CHD9: variants seen among roughly 807,000 people sequenced by gnomAD.
CHD9 encodes chromodomain helicase DNA binding protein 9, also known as ATP-dependent chromatin remodeler CHD9.
A neutral mutation model predicts 316.1 loss-of-function variants in CHD9; 77 were observed. That is an observed-to-expected ratio of 0.24 (90% CI 0.20 to 0.29). The LOEUF (loss-of-function observed/expected upper bound fraction) is 0.29, where lower values mean the gene tolerates loss of function less well. CHD9 is among the 10% of genes least tolerant of loss of function. The pLI, the probability that CHD9 is intolerant of heterozygous loss-of-function variation, is 1.00. For missense variants in CHD9, 2,763 were observed against 3,438.1 expected, an observed-to-expected ratio of 0.80 and a Z score of 4.91; for synonymous variants, 1,129 against 1,158.3, an observed-to-expected ratio of 0.97 and a Z score of 0.51.
chr16:53,307,090 C>T (rs1167980054), intron 32 of CHD9, among the ~76,000 whole-genome samples: 1 of 151,728 alleles, frequency 6.6e-6, no homozygotes, highest in African/African-American at 2.4e-5. Context: ...AATTTTTCTT[C>T]CATTATGTGA....
chr16:53,122,347 G>A (rs549222688), intron 1 of CHD9, among the ~76,000 whole-genome samples: 1 of 152,134 alleles, frequency 6.6e-6, no homozygotes, highest in South Asian at 2.1e-4. Context: ...TCACAAAACT[G>A]GTGAGCCCAA....
intron 1 of CHD9, among the ~76,000 whole-genome samples, chr16:53,153,584 A>G (rs1393390947): frequency 1.3e-5 from 2 of 152,168 alleles, no homozygotes; most frequent in Non-Finnish European, 2.9e-5. Flanking sequence ...GCTAGAGTGT[A>G]GTGGCTTAAT....
chr16:53,170,973 A>G (rs1218805453), intron 2 of CHD9, among the ~76,000 whole-genome samples: 1 of 152,166 alleles, frequency 6.6e-6, no homozygotes, highest in African/African-American at 2.4e-5. Flanking sequence ...GGTAGTCCCA[A>G]TGCATGAACC....
intron 1 of CHD9, among the ~76,000 whole-genome samples, chr16:53,106,617 T>G (rs1489102923): frequency 1.3e-5 from 2 of 151,732 alleles, no homozygotes; most frequent in African/African-American, 4.9e-5. Flanking sequence ...AAAAGGTTCA[T>G]AATCTAGTTA....
chr16:53,060,917 TCTC>T (rs2152496317), intron 1 of CHD9, among the ~76,000 whole-genome samples: 1 of 145,670 alleles, frequency 6.9e-6, no homozygotes, highest in Admixed American at 6.8e-5. Context: ...CAAGATGTTG[TCTC>T]TTTTTTTTTT....
chr16:53,197,576 T>C (rs1169925475), intron 2 of CHD9, among the ~76,000 whole-genome samples: 1 of 152,162 alleles, frequency 6.6e-6, no homozygotes, highest in African/African-American at 2.4e-5. Context: ...ATTAACACTT[T>C]TTTGTAGTAT....
At chr16:53,157,723 G>A (rs2041620096) in intron 2 of CHD9, among the ~76,000 whole-genome samples, 182 bp downstream of exon 2, 1 of 152,192 alleles carries the variant, frequency 6.6e-6, no homozygotes, top group East Asian at 1.9e-4. Flanking sequence ...GTGATTCACT[G>A]ATATGCTCAA....
intron 2 of CHD9, among the ~76,000 whole-genome samples, chr16:53,175,276 TG>T (rs2043025826): frequency 6.6e-6 from 1 of 152,142 alleles, no homozygotes; most frequent in Admixed American, 6.5e-5. Context: ...CCAGTTACCT[TG>T]GGTTCTTGGC....
intron 16 of CHD9, chr16:53,248,194 G>A (rs1175409744): frequency 6.6e-6 from 1 of 151,828 alleles, no homozygotes; most frequent in African/African-American, 2.4e-5. Flanking sequence ...AAATCAGCCG[G>A]GCATGATGGC....
intron 10 of CHD9, 103 bp from the exon 11 acceptor site, chr16:53,235,082 A>G (rs1323028495): frequency 2.4e-6 from 2 of 830,710 alleles, no homozygotes; most frequent in Non-Finnish European, 3.7e-6. Flanking sequence ...ATAACACTGT[A>G]CACTGTTATG....
intron 27 of CHD9, among the ~76,000 whole-genome samples, chr16:53,288,631 T>C (rs1244468266): frequency 6.6e-6 from 1 of 152,162 alleles, no homozygotes; most frequent in Admixed American, 6.5e-5. Flanking sequence ...GATGCCTTGA[T>C]GAGGGCATGA....
At chr16:53,285,918 A>G (rs1165250968) in intron 25 of CHD9, among the ~76,000 whole-genome samples, 1 of 152,184 alleles carries the variant, frequency 6.6e-6, no homozygotes, top group African/African-American at 2.4e-5. Context: ...TAAATCTAAG[A>G]CAACTTCCTC....
rs559548430 is a variant in CHD9 at position 53,284,221 on chromosome 16, A to G, written c.4968-1375A>G. On this transcript the variant is annotated intron_variant, in intron 24 of 38. Transcript: ENST00000447540. Reference sequence around the variant, plus strand: ...CTTTGTATAATTTATATTGTTTTATATCTCTGGTTATTTGAAAGTTGATAA... The same window carrying G: ...CTTTGTATAATTTATATTGTTTTATGTCTCTGGTTATTTGAAAGTTGATAA... 1.3e-4 allele frequency among the ~76,000 whole-genome samples: 20 copies of G among 152,208 alleles called. 1 individual carries two copies. Among genetic ancestry groups the G allele is most frequent in the African/African-American group, 4.8e-4 (20 of 41,552 alleles).
intron 29 of CHD9, among the ~76,000 whole-genome samples, chr16:53,295,264 C>T (rs1597869055): frequency 6.6e-6 from 1 of 152,146 alleles, no homozygotes; most frequent in East Asian, 1.9e-4. Context: ...GTGGCTGGCA[C>T]TACAGGTGTG....
chr16:53,130,188 G>C (rs1339659779), intron 1 of CHD9, among the ~76,000 whole-genome samples: 1 of 151,426 alleles, frequency 6.6e-6, no homozygotes, highest in Admixed American at 6.6e-5. Flanking sequence ...GGCGGGCGCC[G>C]GCTACTGCAG....
intron 4 of CHD9, among the ~76,000 whole-genome samples, chr16:53,225,123 A>G (rs1213011519): frequency 6.6e-6 from 1 of 152,098 alleles, no homozygotes; most frequent in Non-Finnish European, 1.5e-5. Flanking sequence ...CTGCATGCAT[A>G]TAGTTTGTCA....
At chr16:53,291,657 CTCTTT>C (rs2054349595) in intron 27 of CHD9, 63 bp from the exon 28 acceptor site, 2 of 1,066,820 alleles carry the variant, frequency 1.9e-6, no homozygotes, top group Non-Finnish European at 1.4e-6. Flanking sequence ...AAGTTTGATT[CTCTTT>C]TCTTTTTTTA....
rs1328088656 is a variant in CHD9, at chr16:53,303,179, TGA to T, written c.5714-539_5714-538del. On this transcript the variant is annotated intron_variant, in intron 30 of 38. Coordinates refer to ENST00000447540, the MANE Select transcript of CHD9 (RefSeq NM_001308319.2). ...ATTCGTAAACTTTCTTAAAATATTATGAGTTTTTTTTTTTTTTTTGCAATTTT... is the reference window on the plus strand; with the variant it reads ...ATTCGTAAACTTTCTTAAAATATTATGTTTTTTTTTTTTTTTTGCAATTTT... Among the ~76,000 whole-genome samples the T allele has an allele frequency of 4.9e-5, 7 of 143,494 alleles. No individual in the cohort carries two copies. In the East Asian group the frequency reaches 1.2e-3, roughly 25 times the overall value. The allele number at this position is 143,494 out of a possible 152,430, so 94.1% of individuals were successfully genotyped here.
Position 53,311,380 on chromosome 16 carries a change from C to T in CHD9, c.7222+2526C>T, listed in dbSNP as rs1202618600. On this transcript the variant is annotated intron_variant, in intron 34 of 38. Coordinates refer to ENST00000447540, the MANE Select transcript of CHD9 (RefSeq NM_001308319.2). Reference sequence around the variant, plus strand: ...TGAGCCTTACTTTTCCTGTTTGTGACATGAAGGGTGTGGGGATGACAGAGA... The same window carrying T: ...TGAGCCTTACTTTTCCTGTTTGTGATATGAAGGGTGTGGGGATGACAGAGA... 4 of 152,042 alleles carry T rather than the reference C, an allele frequency of 2.6e-5. No individual in the cohort carries two copies. The East Asian group carries it at 7.7e-4, about 29-fold the overall frequency. 9.4% of individuals were successfully genotyped at this position (152,042 alleles called of 1,614,324 possible).
Sources: allele counts gnomAD v4.1 joint callset (sites outside exome capture counted in the v4.1 genomes callset), GRCh38; gene constraint gnomAD v4.1.1; transcripts MANE v1.5; gene names NCBI Gene and HGNC (gene_info 2026-07-23, HGNC 2026-07-21).